Variants in GNAI3 observed in about 807,000 individuals in gnomAD.
GNAI3 encodes the protein guanine nucleotide-binding protein G(i) subunit alpha-3.
In GNAI3, 12 loss-of-function variants were observed where a neutral mutation model predicts 41.8. That is an observed-to-expected ratio of 0.29 (90% CI 0.18 to 0.47). The LOEUF (loss-of-function observed/expected upper bound fraction) is 0.47, where lower values mean the gene tolerates loss of function less well. GNAI3 is among the 20% of genes least tolerant of loss of function. The probability of loss-of-function intolerance (pLI) is 1.00; values close to 1 mark genes in which losing one functional copy is unlikely to be tolerated. For missense variants in GNAI3, 360 were observed against 429.6 expected (o/e 0.84, Z 1.43); for synonymous variants, 132 against 146.5 (o/e 0.90, Z 0.71).
intron 1 of GNAI3, among the ~76,000 whole-genome samples, chr1:109,557,388 G>A (rs1251285180): frequency 2.0e-5 from 3 of 152,142 alleles, no homozygotes; most frequent in Admixed American, 1.3e-4. Context: ...TAGGGCAGGA[G>A]GACTAAGTAT....
At chr1:109,581,888 C>CA (rs950958158) in intron 4 of GNAI3, among the ~76,000 whole-genome samples, 5 of 104,218 alleles carry the variant, frequency 4.8e-5, no homozygotes, top group African/African-American at 1.4e-4. Context: ...GACTCTGTCT[C>CA]AAAAAAACAA....
At chr1:109,589,949 G>A (rs890504665) in intron 7 of GNAI3, among the ~76,000 whole-genome samples, 4 of 152,154 alleles carry the variant, frequency 2.6e-5, no homozygotes, top group African/African-American at 9.7e-5. Context: ...CTTTAAAATG[G>A]TTAAATATCT....
chr1:109,580,294 G>T (rs1648858914), intron 4 of GNAI3, among the ~76,000 whole-genome samples: 1 of 152,120 alleles, frequency 6.6e-6, no homozygotes, highest in African/African-American at 2.4e-5. Context: ...CACCGTGCCT[G>T]GTCCGGAATG....
chr1:109,558,296 A>T (rs577849647), intron 1 of GNAI3, among the ~76,000 whole-genome samples: 1 of 152,008 alleles, frequency 6.6e-6, no homozygotes, highest in South Asian at 2.1e-4. Context: ...GGTGGTGCAC[A>T]CCTGTAATCC....
chr1:109,558,740 TAGAG>T (rs1001331416), intron 1 of GNAI3, among the ~76,000 whole-genome samples: 1 of 152,088 alleles, frequency 6.6e-6, no homozygotes, highest in Non-Finnish European at 1.5e-5. Flanking sequence ...AAGTTTTTGT[TAGAG>T]AGTAGGTAAA....
At chr1:109,570,015 A>T (rs1648551816) in intron 1 of GNAI3, among the ~76,000 whole-genome samples, 1 of 152,212 alleles carries the variant, frequency 6.6e-6, no homozygotes, top group Non-Finnish European at 1.5e-5. Context: ...TACTATGGAT[A>T]ATCTGGGAAT....
intron 3 of GNAI3, among the ~76,000 whole-genome samples, chr1:109,575,097 AAT>A (rs1648701298): frequency 6.6e-6 from 1 of 152,230 alleles, no homozygotes; most frequent in Admixed American, 6.5e-5. Context: ...AAAATAAGAA[AAT>A]ATGTGAATGT....
chr1:109,589,039 C>T (rs1649105968), intron 7 of GNAI3, among the ~76,000 whole-genome samples: 1 of 152,090 alleles, frequency 6.6e-6, no homozygotes, highest in African/African-American at 2.4e-5. Context: ...TTTAATTATT[C>T]ATAGAACGTT....
chr1:109,567,902 C>T (rs149430394), intron 1 of GNAI3, among the ~76,000 whole-genome samples: 3,486 of 151,696 alleles, frequency 0.023, 56 homozygotes, highest in Middle Eastern at 0.06. Flanking sequence ...ACATAGTATA[C>T]TCATGTACTT....
At position 109,592,419 on chromosome 1, in the gene GNAI3, A is replaced by C; in HGVS notation, c.*97A>C. On this transcript the variant is annotated 3_prime_UTR_variant, in exon 9 of 9. Coordinates refer to ENST00000369851, the MANE Select transcript of GNAI3 (RefSeq NM_006496.4). The stretch of plus-strand genomic sequence containing the variant: ...GGCAGCTACAAGCATGAACGGGACC[A>C]GGGAATGGCAGCAGCATGCAGAATC... The C allele has an allele frequency of 2.1e-6, 1 of 474,602 alleles. No homozygotes were observed. Among genetic ancestry groups the C allele is most frequent in the Non-Finnish European group, 3.8e-6 (1 of 262,016 alleles). 29.4% of individuals were successfully genotyped at this position (474,602 alleles called of 1,614,324 possible). A position where few individuals can be genotyped will look rare whatever the true frequency, so the allele number is the denominator to read the frequency against.
At chr1:109,569,121 C>G (rs1412575183) in intron 1 of GNAI3, among the ~76,000 whole-genome samples, 4 of 152,222 alleles carry the variant, frequency 2.6e-5, no homozygotes, top group Non-Finnish European at 1.5e-5. Context: ...GACTTCACCT[C>G]TCATCCTTTT....
chr1:109,551,240 A>G (rs1323716486), intron 1 of GNAI3, among the ~76,000 whole-genome samples: 1 of 152,244 alleles, frequency 6.6e-6, no homozygotes, highest in African/African-American at 2.4e-5. Context: ...AATAGGTTGC[A>G]GAAACATATG....
chr1:109,582,627 A>G (rs1571160609), intron 5 of GNAI3, 62 bp downstream of exon 5: 2 of 1,204,768 alleles, frequency 1.7e-6, no homozygotes, highest in East Asian at 2.4e-5. Context: ...TTAGTTTACC[A>G]TCTCTTAATC....
rs921441391 is a variant in GNAI3, at chr1:109,592,305, T to A, written c.*23-40T>A. 9 of 951,700 alleles carry A rather than the reference T, an allele frequency of 9.5e-6. No homozygotes were observed. In the African/African-American group the frequency reaches 1.5e-4, roughly 16 times the overall value. The allele number at this position is 951,700 out of a possible 1,614,324, so 59.0% of individuals were successfully genotyped here. A position where few individuals can be genotyped will look rare whatever the true frequency, so the allele number is the denominator to read the frequency against. ...TAGTGCTACAGTGATGTCTCTTGGT[T>A]TTTAAACTTTTTCTAATTAAGAATA... On this transcript the variant is annotated intron_variant, in intron 8 of 8. Transcript: ENST00000369851.
chr1:109,560,688 C>G (rs567331924), intron 1 of GNAI3, among the ~76,000 whole-genome samples: 1 of 152,280 alleles, frequency 6.6e-6, no homozygotes, highest in South Asian at 2.1e-4. Flanking sequence ...GTGGCTGGGA[C>G]TACAGGCATG....
In GNAI3 at chr1:109,596,023, T is replaced by G. The variant is rs1229812418; in HGVS notation, c.*3701T>G. The G allele has an allele frequency of 1.3e-5, 2 of 152,228 alleles. No individual in the cohort carries two copies. The highest frequency in any genetic ancestry group is 6.5e-5 in the Admixed American group (1 of 15,276). The allele number at this position is 152,228 out of a possible 1,614,324, so 9.4% of individuals were successfully genotyped here. On this transcript the variant is annotated 3_prime_UTR_variant, in exon 9 of 9. Coordinates refer to ENST00000369851, the MANE Select transcript of GNAI3 (RefSeq NM_006496.4). ...GGCTTCGTAGTGCAAATCAGGGATC[T>G]GACCTGGATCAGCCTCAGCTCTTTA...
chr1:109,593,811 T>C lies in GNAI3; in HGVS notation c.*1489T>C, dbSNP rs140944776. On this transcript the variant is annotated 3_prime_UTR_variant, in exon 9 of 9. Coordinates refer to ENST00000369851, the MANE Select transcript of GNAI3 (RefSeq NM_006496.4). ...AATGTACAGCAAATGTCATTAAATA[T>C]TGAATGCTCTATTGGGGGAAGACAA... 2.0e-5 allele frequency: 3 copies of C among 152,804 alleles called. No homozygotes were observed. The highest frequency in any genetic ancestry group is 7.2e-5 in the African/African-American group (3 of 41,588). The allele number at this position is 152,804 out of a possible 1,614,324, so 9.5% of individuals were successfully genotyped here.
At chr1:109,584,357 G>A (rs775628971) in intron 5 of GNAI3, among the ~76,000 whole-genome samples, 5 of 152,196 alleles carry the variant, frequency 3.3e-5, no homozygotes, top group African/African-American at 9.7e-5. Context: ...ATTATCACTC[G>A]TGAGACCATA....
Position 109,586,263 on chromosome 1 carries a change from A to G in GNAI3, c.638A>G (p.His213Arg). 1 of 1,613,512 alleles carries G rather than the reference A, an allele frequency of 6.2e-7. No individual in the cohort carries two copies. Among genetic ancestry groups the G allele is most frequent in the Non-Finnish European group, 8.5e-7 (1 of 1,179,568 alleles). The stretch of plus-strand genomic sequence containing the variant: ...AGATCAGAACGAAAAAAGTGGATTC[A>G]CTGTTTTGAGGGAGTGACAGCAATT... ...GQRSERKKWI[H>R]CFEGVTAIIF... is the part of the protein sequence containing the mutation. The change falls in exon 6 of 9, where the codon CAC becomes CGC. Residue 213 changes from histidine to arginine, a missense_variant. His to Arg is a conservative substitution (Grantham distance 29). Coordinates refer to ENST00000369851, the MANE Select transcript of GNAI3 (RefSeq NM_006496.4).
Sources: gnomAD v4.1 joint callset for allele counts (sites outside exome capture counted in the v4.1 genomes callset) on GRCh38, gnomAD v4.1.1 for gene constraint, MANE v1.5 for transcripts, NCBI Gene and HGNC (gene_info 2026-07-23, HGNC 2026-07-21) for gene names.